The following NTM variants were observed in gnomAD, a reference collection of about 807,000 sequenced individuals.
NTM encodes IgLON family member 2.
NTM carries 13 observed loss-of-function variants against 42.1 expected under a neutral mutation model. The ratio of observed to expected loss-of-function variants is 0.31; its 90% CI spans 0.20 to 0.49. NTM has a LOEUF of 0.49. Ranked by LOEUF, NTM falls within the 20% of genes least tolerant of loss-of-function variation. The pLI, the probability that NTM is intolerant of heterozygous loss-of-function variation, is 0.99. For synonymous variants in NTM, 187 were observed against 179.2 expected (o/e 1.04, Z -0.35); for missense variants, 373 against 452.8 (o/e 0.82, Z 1.60).
At chr11:131,558,718 G>A (rs142620940) in intron 1 of NTM, among the ~76,000 whole-genome samples, 2 of 152,248 alleles carry the variant, frequency 1.3e-5, no homozygotes, top group African/African-American at 2.4e-5. Flanking sequence ...AAATGTTATC[G>A]GAATAGCTAC....
chr11:132,247,527 G>T (rs927400242), intron 4 of NTM, among the ~76,000 whole-genome samples: 1 of 152,106 alleles, frequency 6.6e-6, no homozygotes, highest in South Asian at 2.1e-4. Flanking sequence ...AATGTTTACT[G>T]GGTGAATAAA....
In NTM at chr11:131,824,086, C is replaced by T. The variant is rs78392020; in HGVS notation, c.83-87478C>T. Among the ~76,000 whole-genome samples the T allele has an allele frequency of 1.8e-3, 277 of 152,262 alleles. 7 individuals carry two copies. In the East Asian group the frequency reaches 0.048, roughly 26 times the overall value. On this transcript the variant is annotated intron_variant, in intron 1 of 8. Transcript: ENST00000683400. The stretch of plus-strand genomic sequence containing the variant: ...AATTCTCAAAAGGCATTGTGAAGCA[C>T]ATCAGCTGAGGAGTGAGTTATAAAT...
At chr11:131,609,332 G>A (rs2061282344) in intron 1 of NTM, among the ~76,000 whole-genome samples, 1 of 152,240 alleles carries the variant, frequency 6.6e-6, no homozygotes, top group Non-Finnish European at 1.5e-5. Flanking sequence ...TAATGATAAA[G>A]CTTAGAAGTG....
At chr11:132,318,664 C>T (rs1177213724) in intron 7 of NTM, among the ~76,000 whole-genome samples, 1 of 152,290 alleles carries the variant, frequency 6.6e-6, no homozygotes, top group East Asian at 1.9e-4. Flanking sequence ...ACTGCTGTCA[C>T]CCTGAGGACA....
chr11:131,611,974 C>A (rs2061499130), intron 1 of NTM, among the ~76,000 whole-genome samples: 1 of 152,172 alleles, frequency 6.6e-6, no homozygotes, highest in South Asian at 2.1e-4. Flanking sequence ...TTGGATAGCT[C>A]CTTTCCACAG....
chr11:131,933,921 C>T (rs566856733), intron 2 of NTM, among the ~76,000 whole-genome samples: 1 of 151,978 alleles, frequency 6.6e-6, no homozygotes, highest in African/African-American at 2.4e-5. Context: ...TACATATTAC[C>T]TCCTTTAACA....
chr11:132,132,307 A>C (rs891710911), intron 2 of NTM, among the ~76,000 whole-genome samples: 1 of 152,176 alleles, frequency 6.6e-6, no homozygotes, highest in Non-Finnish European at 1.5e-5. Flanking sequence ...GAGAGTTAAA[A>C]TTGGGTCTAT....
At chr11:131,949,743 C>T (rs1030317391) in intron 2 of NTM, among the ~76,000 whole-genome samples, 13 of 152,096 alleles carry the variant, frequency 8.5e-5, no homozygotes, top group Admixed American at 4.6e-4. Context: ...TTGAATGTCC[C>T]GGCCCACTCC....
chr11:131,478,574 T>C (rs1419733372), intron 1 of NTM, among the ~76,000 whole-genome samples: 2 of 152,176 alleles, frequency 1.3e-5, no homozygotes, highest in African/African-American at 2.4e-5. Context: ...AGCAACACCA[T>C]TGCTAAATGA....
At chr11:131,590,652 C>G (rs2059281754) in intron 1 of NTM, among the ~76,000 whole-genome samples, 1 of 152,348 alleles carries the variant, frequency 6.6e-6, no homozygotes, top group African/African-American at 2.4e-5. Context: ...TGAATGCTTG[C>G]TCACGGCCAG....
At chr11:131,741,097 G>A (rs749182197) in intron 1 of NTM, among the ~76,000 whole-genome samples, 2 of 151,786 alleles carry the variant, frequency 1.3e-5, no homozygotes, top group African/African-American at 4.8e-5. Flanking sequence ...CCCGGGAGGC[G>A]GAGGCTGCAG....
chr11:131,572,527 T>G (rs1376070645), intron 1 of NTM, among the ~76,000 whole-genome samples: 1 of 152,162 alleles, frequency 6.6e-6, no homozygotes, highest in Non-Finnish European at 1.5e-5. Context: ...TGACCTTTGG[T>G]GTGACAAATT....
intron 1 of NTM, among the ~76,000 whole-genome samples, chr11:131,567,858 G>A (rs1016095682): frequency 7.2e-5 from 11 of 152,172 alleles, no homozygotes; most frequent in Admixed American, 3.3e-4. Context: ...ACATCACCTG[G>A]GTTCCCAGGG....
chr11:132,147,388 C>G (rs1467063583), intron 3 of NTM, among the ~76,000 whole-genome samples: 2 of 152,032 alleles, frequency 1.3e-5, no homozygotes, highest in Admixed American at 1.3e-4. Flanking sequence ...CACACTTGGC[C>G]ACTTTCTGGC....
intron 2 of NTM, among the ~76,000 whole-genome samples, chr11:131,953,899 T>TCC (rs1228757050): frequency 6.6e-6 from 1 of 152,160 alleles, no homozygotes. Context: ...TTAACGTGAA[T>TCC]CTGATGAACC....
intron 1 of NTM, among the ~76,000 whole-genome samples, chr11:131,665,760 A>G (rs2068934959): frequency 6.6e-6 from 1 of 152,228 alleles, no homozygotes; most frequent in African/African-American, 2.4e-5. Context: ...GTCTGGGAAC[A>G]AGCAGAACTG....
intron 1 of NTM, among the ~76,000 whole-genome samples, chr11:131,716,316 G>A (rs2077685074): frequency 6.6e-6 from 1 of 152,114 alleles, no homozygotes; most frequent in Admixed American, 6.5e-5. Context: ...CTTTCAACAT[G>A]AATTTTGGAG....
chr11:131,450,528 T>C (rs1280899476), intron 1 of NTM, among the ~76,000 whole-genome samples: 2 of 152,170 alleles, frequency 1.3e-5, no homozygotes, highest in Non-Finnish European at 2.9e-5. Context: ...CTCCCTGAAG[T>C]CCTTGTCCTG....
chr11:132,334,906 G>A (rs2095859023), intron 8 of NTM, 140 bp from the exon 9 acceptor site: 2 of 1,407,302 alleles, frequency 1.4e-6, no homozygotes, highest in Admixed American at 2.3e-5. Context: ...CACTTCTAAT[G>A]CTGGGGCTGG....
Sources: allele counts gnomAD v4.1 joint callset (sites outside exome capture counted in the v4.1 genomes callset), GRCh38; gene constraint gnomAD v4.1.1; transcripts MANE v1.5; gene names NCBI Gene and HGNC (gene_info 2026-07-23, HGNC 2026-07-21).